ATRX: variants seen among roughly 807,000 people sequenced by gnomAD.
ATRX encodes chromatin remodeler ATRX.
Under a neutral mutation model 172.6 loss-of-function variants are expected in ATRX, and 12 were observed. The observed-to-expected ratio is 0.07, with a 90% confidence interval of 0.04 to 0.11. The LOEUF (loss-of-function observed/expected upper bound fraction) is 0.11. ATRX is among the 10% of genes least tolerant of loss of function. The probability of loss-of-function intolerance (pLI) is 1.00; values close to 1 mark genes in which losing one functional copy is unlikely to be tolerated. For synonymous variants in ATRX, 674 were observed against 594.7 expected, an observed-to-expected ratio of 1.13 and a Z score of -1.94; for missense variants, 1,368 against 1,767.4, an observed-to-expected ratio of 0.77 and a Z score of 4.05.
At chrX:77,697,758 A>G in intron 3 of ATRX, 123 bp from the exon 4 acceptor site, 1 of 527,535 alleles carries the variant, frequency 1.9e-6, no homozygotes. Flanking sequence ...TGTGCCTAGA[A>G]TATTTTTCTA....
chrX:77,590,832 T>C (rs186523815), intron 26 of ATRX, among the ~76,000 whole-genome samples: 1 of 111,824 alleles, frequency 8.9e-6, no homozygotes, highest in Non-Finnish European at 1.9e-5. Context: ...AAAATCTTCA[T>C]AACATGGGTT....
rs782581395 is a variant in ATRX at position 77,749,490 on chromosome X, T to C, written c.21-32247A>G. Among the ~76,000 whole-genome samples the C allele has an allele frequency of 2.3e-4, 26 of 111,641 alleles. No individual in the cohort carries two copies. The East Asian group carries it at 5.0e-3, about 22-fold the overall frequency. ...TATACTCAGTAGCCACTACTCAATT[T>C]TGAGGAAGCACAAAGAAACAAATCA... On this transcript the variant is annotated intron_variant, in intron 1 of 34. Coordinates refer to ENST00000373344, the MANE Select transcript of ATRX (RefSeq NM_000489.6).
chrX:77,750,664 T>A (rs2075266298), intron 1 of ATRX, among the ~76,000 whole-genome samples: 1 of 109,791 alleles, frequency 9.1e-6, no homozygotes, highest in Non-Finnish European at 1.9e-5. Flanking sequence ...TTTGTCCTAA[T>A]GCACTCCCTC....
chrX:77,688,571 A>C (rs2071708122), intron 7 of ATRX, among the ~76,000 whole-genome samples: 1 of 111,679 alleles, frequency 9.0e-6, no homozygotes, highest in African/African-American at 3.3e-5. Flanking sequence ...TTCATATTTC[A>C]CATACAGCTT....
At chrX:77,634,472 C>T in intron 17 of ATRX, 122 bp downstream of exon 17, 1 of 568,564 alleles carries the variant, frequency 1.8e-6, no homozygotes. Context: ...GGAGACAGAT[C>T]TTGTTATTCT....
rs187183027 is a variant in ATRX, at chrX:77,601,836, C to T, written c.5567-1272G>A. Among the ~76,000 whole-genome samples the T allele has an allele frequency of 6.1e-3, 686 of 111,553 alleles. 4 individuals carry two copies. Among genetic ancestry groups the T allele is most frequent in the African/African-American group, 0.021 (633 of 30,736 alleles). Reference sequence around the variant, plus strand: ...AAAAATCTGCTGAGTATTATTTTGCCTGATAGAGGTTATTTCCATTGTGTA... The same window carrying T: ...AAAAATCTGCTGAGTATTATTTTGCTTGATAGAGGTTATTTCCATTGTGTA... On this transcript the variant is annotated intron_variant, in intron 22 of 34. Coordinates refer to ENST00000373344, the MANE Select transcript of ATRX (RefSeq NM_000489.6).
chrX:77,523,126 T>C, intron 31 of ATRX, 126 bp downstream of exon 31: 1 of 893,951 alleles, frequency 1.1e-6, no homozygotes, highest in Admixed American at 2.4e-5. Context: ...ATTCTTGTAA[T>C]TGGGGAATGT....
At position 77,638,641 on chromosome X, in the gene ATRX, T is replaced by C. The variant is rs782707588; in HGVS notation, c.4558-2585A>G. On this transcript the variant is annotated intron_variant, in intron 15 of 34. Transcript: ENST00000373344. ...TGTCTCTTTAAAAGGACACTTCCTC[T>C]TTGTAAAACCATACGATCATTGTCA... Among the ~76,000 whole-genome samples, 6 of 112,935 alleles carry C rather than the reference T, an allele frequency of 5.3e-5. No homozygotes were observed. In the South Asian group the frequency reaches 1.4e-3, roughly 27 times the overall value.
chrX:77,558,255 T>A (rs1353958609), intron 29 of ATRX, among the ~76,000 whole-genome samples: 1 of 109,242 alleles, frequency 9.2e-6, no homozygotes, highest in Non-Finnish European at 1.9e-5. Context: ...AAGAAAAAAA[T>A]AAAAGAAAAT....
intron 22 of ATRX, among the ~76,000 whole-genome samples, chrX:77,602,666 T>C (rs1384141470): frequency 9.0e-6 from 1 of 110,759 alleles, no homozygotes; most frequent in Non-Finnish European, 1.9e-5. Flanking sequence ...CTTTGGTCCA[T>C]TGGTTATTTA....
At chrX:77,729,607 C>T (rs1252252233) in intron 1 of ATRX, among the ~76,000 whole-genome samples, 5 of 111,861 alleles carry the variant, frequency 4.5e-5, no homozygotes, top group African/African-American at 9.7e-5. Context: ...CTCACATGTG[C>T]GTGTGTTTCC....
chrX:77,671,379 T>C (rs782625527), intron 10 of ATRX, among the ~76,000 whole-genome samples: 1 of 105,920 alleles, frequency 9.4e-6, no homozygotes, highest in African/African-American at 3.4e-5. Context: ...CCAGGAAAAT[T>C]AATATCAAAT....
chrX:77,543,089 C>T (rs993145591), intron 30 of ATRX, among the ~76,000 whole-genome samples: 7 of 111,687 alleles, frequency 6.3e-5, no homozygotes, highest in Non-Finnish European at 1.1e-4. Flanking sequence ...TATCCGGAAT[C>T]TACAAAGAAT....
chrX:77,599,957 CAAAG>C, intron 23 of ATRX, 137 bp from the exon 24 acceptor site: 1 of 534,040 alleles, frequency 1.9e-6, no homozygotes. Flanking sequence ...TTTTAGTAGA[CAAAG>C]AAGACAGGAC....
At chrX:77,686,122 A>G (rs1297893724) in intron 7 of ATRX, among the ~76,000 whole-genome samples, 6 of 111,689 alleles carry the variant, frequency 5.4e-5, no homozygotes, top group Non-Finnish European at 1.1e-4. Context: ...AAAGAATAAG[A>G]CCTACTATTT....
chrX:77,657,022 G>C (rs138183935), intron 12 of ATRX, among the ~76,000 whole-genome samples: 2 of 111,742 alleles, frequency 1.8e-5, no homozygotes, highest in Non-Finnish European at 3.8e-5. Flanking sequence ...CCAAGATGGA[G>C]TAAGATTACA....
intron 1 of ATRX, among the ~76,000 whole-genome samples, chrX:77,740,094 C>CA (rs1318621696): frequency 1.3e-5 from 1 of 77,872 alleles, no homozygotes; most frequent in Non-Finnish European, 2.7e-5. Context: ...AAAAAAGAAA[C>CA]AAACAAAACT....
At chrX:77,735,264 C>A (rs2074490356) in intron 1 of ATRX, among the ~76,000 whole-genome samples, 1 of 109,819 alleles carries the variant, frequency 9.1e-6, no homozygotes, top group African/African-American at 3.3e-5. Context: ...GAGTTCAAGG[C>A]CAGCCTGGCC....
chrX:77,551,988 G>A (rs1463228631), intron 30 of ATRX, among the ~76,000 whole-genome samples: 2 of 111,793 alleles, frequency 1.8e-5, no homozygotes, highest in African/African-American at 6.5e-5. Context: ...TGGAGAGGAT[G>A]TGGAGAAATA....
Sources: allele counts gnomAD v4.1 joint callset (sites outside exome capture counted in the v4.1 genomes callset), GRCh38; gene constraint gnomAD v4.1.1; transcripts MANE v1.5; gene names NCBI Gene and HGNC (gene_info 2026-07-23, HGNC 2026-07-21).